Variants in GRIP2 observed in about 807,000 individuals in gnomAD.
GRIP2 encodes glutamate receptor interacting protein 2, also known as glutamate receptor-interacting protein 2.
A neutral mutation model predicts 108.3 loss-of-function variants in GRIP2; 58 were observed. That is an observed-to-expected ratio of 0.54 (90% confidence interval 0.43 to 0.67). The LOEUF is 0.67. GRIP2 is among the 30% of genes least tolerant of loss of function. The pLI is 0.00. For missense variants in GRIP2, 1,278 were observed against 1,430.6 expected (o/e 0.89, Z 1.72); for synonymous variants, 586 against 598.2 (o/e 0.98, Z 0.30).
chr3:14,536,363 G>A (rs1694833516), intron 1 of GRIP2, among the ~76,000 whole-genome samples: 1 of 152,080 alleles, frequency 6.6e-6, no homozygotes, highest in South Asian at 2.1e-4. Context: ...TGGAACCCAG[G>A]GCTCCCTGAC....
At chr3:14,597,080 TGG>T in the GRIP2 span, among the ~76,000 whole-genome samples, 1 of 152,212 alleles carries the variant, frequency 6.6e-6, no homozygotes, top group African/African-American at 2.4e-5. Context: ...ACTGAACCAG[TGG>T]AAGATCAATC....
At chr3:14,533,912 A>T (rs1694770294) in intron 1 of GRIP2, among the ~76,000 whole-genome samples, 1 of 152,222 alleles carries the variant, frequency 6.6e-6, no homozygotes, top group Non-Finnish European at 1.5e-5. Context: ...AAAACAAGTC[A>T]TACTACTGTG....
chr3:14,552,543 C>T (rs906387482), intron 1 of GRIP2, among the ~76,000 whole-genome samples: 7 of 152,140 alleles, frequency 4.6e-5, no homozygotes, highest in Non-Finnish European at 8.8e-5. Context: ...CACCTCCTGC[C>T]TGGGTCCCAC....
At chr3:14,597,463 T>G in the GRIP2 span, among the ~76,000 whole-genome samples, 1 of 152,226 alleles carries the variant, frequency 6.6e-6, no homozygotes, top group South Asian at 2.1e-4. Context: ...AACTGCATCA[T>G]CTGCCAACCC....
In GRIP2 at chr3:14,514,500, C is replaced by G. The variant is rs377718332; in HGVS notation, c.1307-22G>C. 2.2e-3 allele frequency: 3,284 copies of G among 1,523,938 alleles called. 6 individuals carry two copies. Among genetic ancestry groups the G allele is most frequent in the Middle Eastern group, 2.6e-3 (11 of 4,194 alleles). The allele number at this position is 1,523,938 out of a possible 1,614,324, so 94.4% of individuals were successfully genotyped here. Reference sequence around the variant, plus strand: ...GACACTGTAGGACAGGTGGGCCCAGCATTCAGGTGAGCCGCCCCACGGAGG... The same window carrying G: ...GACACTGTAGGACAGGTGGGCCCAGGATTCAGGTGAGCCGCCCCACGGAGG... On this transcript the variant is annotated intron_variant, in intron 11 of 23. Transcript: ENST00000621039.
At chr3:14,578,153 G>A in the GRIP2 span, among the ~76,000 whole-genome samples, 2 of 152,236 alleles carry the variant, frequency 1.3e-5, no homozygotes, top group African/African-American at 2.4e-5. Context: ...GGGAAGAACT[G>A]TGGTGATCGA....
chr3:14,562,302 A>G, the GRIP2 span, among the ~76,000 whole-genome samples: 3 of 152,332 alleles, frequency 2.0e-5, no homozygotes. Flanking sequence ...GGAAGTGTTC[A>G]GGGTCTGAGT....
intron 10 of GRIP2, 67 bp downstream of exon 10, chr3:14,517,705 C>T (rs1187636326): frequency 3.8e-6 from 6 of 1,574,878 alleles, no homozygotes; most frequent in African/African-American, 1.4e-5. Context: ...CCTTAGACAA[C>T]AGGCATCGCC....
chr3:14,597,862 G>A, the GRIP2 span, among the ~76,000 whole-genome samples: 4 of 152,138 alleles, frequency 2.6e-5, no homozygotes, highest in Non-Finnish European at 5.9e-5. Context: ...ACCATTCAAA[G>A]CTTTATTTGC....
chr3:14,500,779 G>A (rs1477887991), intron 21 of GRIP2, among the ~76,000 whole-genome samples: 1 of 152,124 alleles, frequency 6.6e-6, no homozygotes, highest in African/African-American at 2.4e-5. Context: ...AAAAAAAGGG[G>A]TATGCAAGAA....
rs547361893 is a variant in GRIP2 at position 14,521,864 on chromosome 3, CG to C, written c.567-78del. On this transcript the variant is annotated intron_variant, in intron 6 of 23. Coordinates refer to ENST00000621039, the MANE Select transcript of GRIP2 (RefSeq NM_001080423.4). The surrounding 1 kb of genome is among the most constrained non-coding windows in gnomAD (Gnocchi z 5.1). ...GCCTGTCTGGGAGGGCGCTGGGAAG[CG>C]GGACATGGAGGATGAAGAAGCAGGG... 814 of 1,172,876 alleles carry C rather than the reference CG, an allele frequency of 6.9e-4. No individual in the cohort carries two copies. Among genetic ancestry groups the C allele is most frequent in the Non-Finnish European group, 8.5e-4 (768 of 903,138 alleles). 72.7% of individuals were successfully genotyped at this position (1,172,876 alleles called of 1,614,324 possible). A position where few individuals can be genotyped will look rare whatever the true frequency, so the allele number is the denominator to read the frequency against.
At chr3:14,576,309 C>A in the GRIP2 span, among the ~76,000 whole-genome samples, 2 of 152,234 alleles carry the variant, frequency 1.3e-5, no homozygotes, top group East Asian at 3.8e-4. Context: ...CACTGAGATG[C>A]GGGTGCTGTG....
intron 8 of GRIP2, 50 bp from the exon 9 acceptor site, chr3:14,520,329 C>T: frequency 6.2e-7 from 1 of 1,610,932 alleles, no homozygotes; most frequent in Non-Finnish European, 8.5e-7. Context: ...CCAGACAAAG[C>T]TCTGGGCCGC....
chr3:14,542,055 C>T (rs1227801958), upstream of GRIP2: 3 of 1,351,582 alleles, frequency 2.2e-6, no homozygotes, highest in East Asian at 9.3e-5. Flanking sequence ...CATCTACAGC[C>T]TCTTCAGTCA....
At chr3:14,533,256 C>G (rs1694755911) in intron 1 of GRIP2, among the ~76,000 whole-genome samples, 1 of 152,206 alleles carries the variant, frequency 6.6e-6, no homozygotes, top group South Asian at 2.1e-4. Flanking sequence ...TGACAGTGAA[C>G]GTCTCTGGTA....
In GRIP2 at chr3:14,511,310, C is replaced by A. The variant is rs745507573; in HGVS notation, c.1788G>T (p.Arg596Ser). The A allele has an allele frequency of 1.9e-6, 3 of 1,613,994 alleles. No individual in the cohort carries two copies. Among genetic ancestry groups the A allele is most frequent in the South Asian group, 1.1e-5 (1 of 91,084 alleles). The change falls in exon 16 of 24, where the codon AGG (arginine) becomes AGT (serine). Residue 596 changes from arginine (R) to serine (S), a missense_variant and splice_region_variant. Transcript: ENST00000621039. The surrounding 1 kb of genome is among the most constrained non-coding windows in gnomAD (Gnocchi z 4.1). Reference sequence around the variant, plus strand: ...TGTCGCCTGGCTCCAGGGTGCCCGTCCTGCATGAGTCGGGGGCAGAGGGGA... The same window carrying A: ...TGTCGCCTGGCTCCAGGGTGCCCGTACTGCATGAGTCGGGGGCAGAGGGGA... Reference protein sequence around the residue: ...SDIKKGSVAHRTGTLEPGDKL... With the variant: ...SDIKKGSVAHSTGTLEPGDKL...
chr3:14,550,534 G>T (rs527568751), intron 1 of GRIP2, among the ~76,000 whole-genome samples: 1 of 152,224 alleles, frequency 6.6e-6, no homozygotes, highest in African/African-American at 2.4e-5. Flanking sequence ...TGGTGCCTCA[G>T]AGGGGCCCTG....
upstream of GRIP2, among the ~76,000 whole-genome samples, chr3:14,546,565 G>T (rs758729495): frequency 6.6e-6 from 1 of 152,148 alleles, no homozygotes; most frequent in Admixed American, 6.5e-5. Context: ...CACGTTTGAG[G>T]AATTGCCAGT....
intron 7 of GRIP2, chr3:14,520,793 G>A: frequency 1.9e-6 from 1 of 518,656 alleles, no homozygotes; most frequent in Non-Finnish European, 3.5e-6. Context: ...TTTGCTGGGT[G>A]AAATGAATTT....
Sources: gnomAD v4.1 joint callset for allele counts (sites outside exome capture counted in the v4.1 genomes callset) on GRCh38, gnomAD v4.1.1 for gene constraint, Gnocchi (gnomAD v3.1) non-coding constraint, MANE v1.5 for transcripts, NCBI Gene and HGNC (gene_info 2026-07-23, HGNC 2026-07-21) for gene names.